Variants in IFT140 observed in about 807,000 individuals in gnomAD.
IFT140 encodes the protein intraflagellar transport 140, also known as intraflagellar transport protein 140 homolog.
In IFT140, 133 loss-of-function variants were observed where a neutral mutation model predicts 164.6. The ratio of observed to expected loss-of-function variants is 0.81; its 90% CI spans 0.70 to 0.93. The LOEUF is 0.93. IFT140 is among the 40% of genes least tolerant of loss of function. The probability of loss-of-function intolerance (pLI) is 0.00; values close to 1 mark genes in which losing one functional copy is unlikely to be tolerated. For synonymous variants in IFT140, 860 were observed against 817.3 expected, an observed-to-expected ratio of 1.05 and a Z score of -0.89; for missense variants, 2,045 against 1,972.3, an observed-to-expected ratio of 1.04 and a Z score of -0.70.
At chr16:1,598,622 G>T (rs911401994) in intron 4 of IFT140, among the ~76,000 whole-genome samples, 1 of 152,250 alleles carries the variant, frequency 6.6e-6, no homozygotes, top group African/African-American at 2.4e-5. Context: ...CTACTCACAC[G>T]CAACTCTCTA....
chr16:1,581,306 A>G (rs1051767506), intron 12 of IFT140, among the ~76,000 whole-genome samples: 3 of 152,206 alleles, frequency 2.0e-5, no homozygotes, highest in African/African-American at 7.2e-5. Context: ...AACATAATAG[A>G]TAAGAATCTA....
At chr16:1,546,532 G>T (rs749828522) in intron 19 of IFT140, among the ~76,000 whole-genome samples, 2 of 152,330 alleles carry the variant, frequency 1.3e-5, no homozygotes, top group Admixed American at 6.5e-5. Context: ...TTATTCCAGC[G>T]TCTCTCTGAA....
chr16:1,533,915 CTG>C lies in IFT140; in HGVS notation c.2400-7121_2400-7120del, dbSNP rs2030777947. ...ACTGCTGCCGGCCTCCCGAGTGACT[CTG>C]TTTTCCACTGCTGCAGGCGAGAAGA... On this transcript the variant is annotated intron_variant, in intron 19 of 30. Transcript: ENST00000426508. This position sits in a 1 kb window ranked among gnomAD's most constrained non-coding sequence, Gnocchi z 4.7. 2 of 316,428 alleles carry C rather than the reference CTG, an allele frequency of 6.3e-6. No homozygotes were observed. Among genetic ancestry groups the C allele is most frequent in the African/African-American group, 4.5e-5 (2 of 44,254 alleles). The allele number at this position is 316,428 out of a possible 1,614,324, so 19.6% of individuals were successfully genotyped here.
Position 1,571,485 on chromosome 16 carries a change from C to G in IFT140, c.1574G>C (p.Cys525Ser), listed in dbSNP as rs112545558. ...LLFSETEGNP[C>S]FLDICGNFLV... ...GAAATTCCCACAGATGTCCAAGAAGCAGGGATTCCCCTCAGTCTCCGAGAA... is the reference window on the plus strand; with the variant it reads ...GAAATTCCCACAGATGTCCAAGAAGGAGGGATTCCCCTCAGTCTCCGAGAA... Residue 525 changes from cysteine to serine, a missense_variant, in exon 14 of 31, where the codon TGC becomes TCC. Coordinates refer to ENST00000426508, the MANE Select transcript of IFT140 (RefSeq NM_014714.4). 2.2e-4 allele frequency: 357 copies of G among 1,614,080 alleles called. 2 individuals carry two copies. The African/African-American group carries it at 4.3e-3, about 20-fold the overall frequency.
At chr16:1,554,233 A>G in intron 19 of IFT140, 1 of 759,964 alleles carries the variant, frequency 1.3e-6, no homozygotes, top group Non-Finnish European at 1.8e-6. Context: ...AGCAAAGGCC[A>G]AGAGCAAGAA....
rs549942486 is a variant in IFT140 at position 1,547,588 on chromosome 16, G to A, written c.2399+10347C>T. Among the ~76,000 whole-genome samples the A allele has an allele frequency of 2.0e-5, 3 of 152,306 alleles. No individual in the cohort carries two copies. The South Asian group carries it at 6.2e-4, about 32-fold the overall frequency. On this transcript the variant is annotated intron_variant, in intron 19 of 30. Transcript: ENST00000426508. ...GTCTCACTCCGATACCCAGCCTGGA[G>A]TGCAGTGGTGCAATCTGGGTTCAAT...
chr16:1,596,691 G>T (rs898002911), intron 4 of IFT140, among the ~76,000 whole-genome samples: 2 of 152,110 alleles, frequency 1.3e-5, no homozygotes, highest in African/African-American at 4.8e-5. Flanking sequence ...CTGATCCTCA[G>T]GTTTCTGCCC....
chr16:1,602,201 G>A, intron 4 of IFT140, 169 bp downstream of exon 4: 1 of 649,894 alleles, frequency 1.5e-6, no homozygotes, highest in Non-Finnish European at 2.7e-6. Context: ...CCACAGAGTG[G>A]CAAATTTTCA....
chr16:1,554,094 T>G, intron 19 of IFT140: 1 of 1,285,788 alleles, frequency 7.8e-7, no homozygotes, highest in Non-Finnish European at 1.0e-6. Flanking sequence ...GGAGGGAGGG[T>G]CTAGAACGAG....
chr16:1,569,528 TTCTC>T (rs926401460), intron 14 of IFT140, among the ~76,000 whole-genome samples: 8 of 147,454 alleles, frequency 5.4e-5, no homozygotes, highest in Middle Eastern at 3.3e-3. Flanking sequence ...CTTTCTTTCT[TTCTC>T]TCTTTTTGTC....
chr16:1,546,956 C>T (rs983759391), intron 19 of IFT140, among the ~76,000 whole-genome samples: 21 of 152,202 alleles, frequency 1.4e-4, no homozygotes, highest in Non-Finnish European at 2.4e-4. Flanking sequence ...GTGAAGTCCC[C>T]GCCGTCCCCC....
intron 4 of IFT140, among the ~76,000 whole-genome samples, chr16:1,592,905 T>C (rs80064098): frequency 0.06 from 8,546 of 142,568 alleles, 453 homozygotes; most frequent in Admixed American, 0.18. Flanking sequence ...ACAGGTGCCC[T>C]GGCAGAGTGA....
intron 19 of IFT140, among the ~76,000 whole-genome samples, chr16:1,528,379 GCACGTGTGCACACACACGGATGCACA>G (rs1567333825): frequency 3.4e-5 from 4 of 117,242 alleles, no homozygotes; most frequent in Non-Finnish European, 7.0e-5. Context: ...ACGCATGCAC[GCACGTGTGCACACACACGGATGCACA>G]CACATGGACG....
At chr16:1,559,702 G>T (rs2033299368) in intron 18 of IFT140, among the ~76,000 whole-genome samples, 1 of 152,212 alleles carries the variant, frequency 6.6e-6, no homozygotes, top group Admixed American at 6.5e-5. Flanking sequence ...TAGGTGAGAG[G>T]CATCCTGCTC....
intron 19 of IFT140, chr16:1,540,689 GT>G (rs1161320107): frequency 3.0e-6 from 1 of 330,620 alleles, no homozygotes; most frequent in Admixed American, 6.5e-5. Flanking sequence ...CCGCTCCTGA[GT>G]GGTGAGGCTG....
chr16:1,591,577 T>C (rs924325126), intron 6 of IFT140, among the ~76,000 whole-genome samples: 1 of 152,214 alleles, frequency 6.6e-6, no homozygotes, highest in Non-Finnish European at 1.5e-5. Context: ...CCTGGGCTAG[T>C]GTCACATGGC....
At position 1,523,715 on chromosome 16, in the gene IFT140, G is replaced by A. The variant is rs1244560962; in HGVS notation, c.3271-15C>T. 6.2e-7 allele frequency: 1 copy of A among 1,609,962 alleles called. No individual in the cohort carries two copies. Reference sequence around the variant, plus strand: ...AAGTGGCCAGCCTGCGGATACGGTGGGCTCTGAGCAGCTGCCCGAGGCCTG... The same window carrying A: ...AAGTGGCCAGCCTGCGGATACGGTGAGCTCTGAGCAGCTGCCCGAGGCCTG... On this transcript the variant is annotated splice_polypyrimidine_tract_variant and intron_variant, in intron 25 of 30. Coordinates refer to ENST00000426508, the MANE Select transcript of IFT140 (RefSeq NM_014714.4).
intron 19 of IFT140, among the ~76,000 whole-genome samples, chr16:1,527,765 G>T (rs1364521214): frequency 2.0e-5 from 3 of 152,142 alleles, no homozygotes; most frequent in Non-Finnish European, 2.9e-5. Flanking sequence ...TAGAGACAGG[G>T]TTTCGCCATG....
chr16:1,512,675 G>A (rs1022072713), intron 30 of IFT140, among the ~76,000 whole-genome samples: 54 of 152,248 alleles, frequency 3.5e-4, no homozygotes, highest in African/African-American at 4.8e-5. Context: ...AGCAGGGCGC[G>A]GTGCTGCACA....
Sources: allele counts gnomAD v4.1 joint callset (sites outside exome capture counted in the v4.1 genomes callset), GRCh38; gene constraint gnomAD v4.1.1; non-coding constraint Gnocchi (gnomAD v3.1); transcripts MANE v1.5; gene names NCBI Gene and HGNC (gene_info 2026-07-23, HGNC 2026-07-21).